Variants in ABL1 observed in about 807,000 individuals in gnomAD.
ABL1 encodes the protein ABL proto-oncogene 1, non-receptor tyrosine kinase, also known as tyrosine-protein kinase ABL1.
A neutral mutation model predicts 94.7 loss-of-function variants in ABL1; 11 were observed. The observed-to-expected ratio is 0.12, with a 90% confidence interval of 0.07 to 0.19. The LOEUF is 0.19. ABL1 is among the 10% of genes least tolerant of loss of function. The pLI is 1.00. For missense variants in ABL1, 1,082 were observed against 1,489.4 expected (o/e 0.73, Z 4.50); for synonymous variants, 656 against 622.4 (o/e 1.05, Z -0.80).
rs888256115 is a variant in ABL1, at chr9:130,872,288, C to G, written c.907+75C>G. On this transcript the variant is annotated intron_variant, in intron 5 of 10. Coordinates refer to ENST00000318560, the MANE Select transcript of ABL1 (RefSeq NM_005157.6). This position sits in a 1 kb window ranked among gnomAD's most constrained non-coding sequence, Gnocchi z 5.0. ...GGTGACACAGGCGCTGGGGAAGACG[C>G]ACGGGCGGCTCACTGCACAAAACCT... 7.2e-7 allele frequency: 1 copy of G among 1,386,200 alleles called. No homozygotes were observed. Among genetic ancestry groups the G allele is most frequent in the African/African-American group, 1.4e-5 (1 of 69,460 alleles). The allele number at this position is 1,386,200 out of a possible 1,614,324, so 85.9% of individuals were successfully genotyped here.
intron 1 of ABL1, among the ~76,000 whole-genome samples, chr9:130,753,881 G>A (rs1832001291): frequency 6.6e-6 from 1 of 152,146 alleles, no homozygotes; most frequent in Non-Finnish European, 1.5e-5. Context: ...GAGGAGAGAA[G>A]CCTAAGGGAA....
At chr9:130,856,323 G>A (rs1374083759) in intron 3 of ABL1, among the ~76,000 whole-genome samples, 26 of 152,052 alleles carry the variant, frequency 1.7e-4, no homozygotes, top group Admixed American at 1.7e-3. Flanking sequence ...CCTGACCTCA[G>A]GTGATCCACC....
intron 1 of ABL1, among the ~76,000 whole-genome samples, chr9:130,766,451 ATG>A (rs1241054320): frequency 6.6e-6 from 1 of 152,144 alleles, no homozygotes; most frequent in Non-Finnish European, 1.5e-5. Flanking sequence ...CAGGTACTGG[ATG>A]TGTCTCATTG....
intron 1 of ABL1, among the ~76,000 whole-genome samples, chr9:130,725,958 C>T (rs569635483): frequency 4.7e-5 from 7 of 148,888 alleles, no homozygotes; most frequent in African/African-American, 1.7e-4. Context: ...AGGCAGTCCT[C>T]CCACCTCAGC....
chr9:130,885,693 G>A lies in ABL1; in HGVS notation c.*10G>A. The stretch of plus-strand genomic sequence containing the variant: ...CATAGTGCAGAGGTAGCAGCAGTCA[G>A]GGGTCAGGTGTCAGGCCCGTCGGAG... On this transcript the variant is annotated 3_prime_UTR_variant, in exon 11 of 11. Coordinates refer to ENST00000318560, the MANE Select transcript of ABL1 (RefSeq NM_005157.6). 6.2e-7 allele frequency: 1 copy of A among 1,602,438 alleles called. No individual in the cohort carries two copies. Among genetic ancestry groups the A allele is most frequent in the South Asian group, 1.1e-5 (1 of 89,834 alleles).
chr9:130,741,774 G>T (rs1482148770), intron 1 of ABL1, among the ~76,000 whole-genome samples: 2 of 152,240 alleles, frequency 1.3e-5, no homozygotes, highest in African/African-American at 2.4e-5. Context: ...CCTTTGGGTT[G>T]TACAGAAGGG....
chr9:130,754,776 C>T (rs536279111), intron 1 of ABL1, among the ~76,000 whole-genome samples: 1 of 152,214 alleles, frequency 6.6e-6, no homozygotes, highest in Admixed American at 6.5e-5. Context: ...CGGGGCTTCT[C>T]AGCACTCTTC....
intron 1 of ABL1, among the ~76,000 whole-genome samples, chr9:130,763,253 G>GA (rs991953082): frequency 2.0e-5 from 3 of 151,714 alleles, no homozygotes. Flanking sequence ...GTTAATTGTG[G>GA]AAAAAAATTT....
intron 1 of ABL1, among the ~76,000 whole-genome samples, chr9:130,825,333 C>T (rs761551859): frequency 5.9e-5 from 9 of 152,146 alleles, no homozygotes; most frequent in Admixed American, 1.3e-4. Flanking sequence ...CCAAATGTAA[C>T]GTGATCTCCT....
At chr9:130,782,185 A>C (rs1446936544) in intron 1 of ABL1, among the ~76,000 whole-genome samples, 1 of 151,808 alleles carries the variant, frequency 6.6e-6, no homozygotes, top group South Asian at 2.1e-4. Flanking sequence ...CAGCCTCCCA[A>C]GTAGCTGGGA....
Position 130,880,787 on chromosome 9 carries a change from T to C in ABL1, c.1678+123T>C. 2 of 1,212,064 alleles carry C rather than the reference T, an allele frequency of 1.7e-6. No individual in the cohort carries two copies. Among genetic ancestry groups the C allele is most frequent in the Non-Finnish European group, 2.3e-6 (2 of 888,204 alleles). The allele number at this position is 1,212,064 out of a possible 1,614,324, so 75.1% of individuals were successfully genotyped here. A position where few individuals can be genotyped will look rare whatever the true frequency, so the allele number is the denominator to read the frequency against. On this transcript the variant is annotated intron_variant, in intron 10 of 10. Transcript: ENST00000318560. The surrounding 1 kb of genome is among the most constrained non-coding windows in gnomAD (Gnocchi z 4.4). ...CCGCACAGAAGGGCAGCCATGGCCT[T>C]TGTCAATGGTTCAGCTTCGGAAGGA...
intron 1 of ABL1, among the ~76,000 whole-genome samples, chr9:130,749,976 C>T (rs1340497543): frequency 6.6e-6 from 1 of 151,486 alleles, no homozygotes; most frequent in Non-Finnish European, 1.5e-5. Flanking sequence ...GAGTTTGAGA[C>T]CAGCCTGGGC....
intron 1 of ABL1, among the ~76,000 whole-genome samples, chr9:130,755,605 C>A (rs572221407): frequency 6.6e-6 from 1 of 152,248 alleles, no homozygotes; most frequent in Admixed American, 6.5e-5. Context: ...CAAGACGTGC[C>A]CCCTCACATG....
At chr9:130,742,801 C>T (rs935813780) in intron 1 of ABL1, among the ~76,000 whole-genome samples, 11 of 151,910 alleles carry the variant, frequency 7.2e-5, no homozygotes, top group East Asian at 1.9e-4. Context: ...ATCAGATGTA[C>T]GCACATTAGT....
chr9:130,809,890 A>G (rs1167005731), intron 1 of ABL1, among the ~76,000 whole-genome samples: 1 of 152,248 alleles, frequency 6.6e-6, no homozygotes, highest in African/African-American at 2.4e-5. Flanking sequence ...AATTAATCCT[A>G]GAATAAATGC....
At chr9:130,861,968 A>G (rs1232714429) in intron 3 of ABL1, among the ~76,000 whole-genome samples, 1 of 152,184 alleles carries the variant, frequency 6.6e-6, no homozygotes, top group Non-Finnish European at 1.5e-5. Context: ...TGCAAACTCT[A>G]CATGCAGGGT....
At chr9:130,877,343 C>A (rs1046282562) in intron 7 of ABL1, among the ~76,000 whole-genome samples, 3 of 148,136 alleles carry the variant, frequency 2.0e-5, no homozygotes, top group Admixed American at 6.7e-5. Flanking sequence ...TCTCAGATTT[C>A]AAAACTTTCA....
Position 130,863,066 on chromosome 9 carries a change from T to C in ABL1, c.822+31T>C. ...CTGGGACTGCCGGGGGTGCCCAGGG[T>C]ACGTGGGGCAAGGCGTCTGCTGGCA... On this transcript the variant is annotated intron_variant, in intron 4 of 10. Transcript: ENST00000318560. The surrounding 1 kb of genome is among the most constrained non-coding windows in gnomAD (Gnocchi z 4.3). 1 of 1,560,376 alleles carries C rather than the reference T, an allele frequency of 6.4e-7. No homozygotes were observed. The highest frequency in any genetic ancestry group is 8.7e-7 in the Non-Finnish European group (1 of 1,149,964).
At chr9:130,753,427 T>C (rs7848990) in intron 1 of ABL1, among the ~76,000 whole-genome samples, 125 of 89,520 alleles carry the variant, frequency 1.4e-3, no homozygotes, top group Non-Finnish European at 1.9e-3. Flanking sequence ...CTTTTCTTTT[T>C]TTTTTTTTTT....
Sources: allele counts gnomAD v4.1 joint callset (sites outside exome capture counted in the v4.1 genomes callset), GRCh38; gene constraint gnomAD v4.1.1; non-coding constraint Gnocchi (gnomAD v3.1); transcripts MANE v1.5; gene names NCBI Gene and HGNC (gene_info 2026-07-23, HGNC 2026-07-21).